NSRP1: variants seen among roughly 807,000 people sequenced by gnomAD.
NSRP1 encodes nuclear speckle splicing regulatory protein 1, also known as coiled-coil domain containing 55.
NSRP1 carries 24 observed loss-of-function variants against 54.7 expected under a neutral mutation model. That is an observed-to-expected ratio of 0.44 (90% confidence interval 0.32 to 0.62). NSRP1 has a LOEUF of 0.62. Among genes scored for constraint, NSRP1 ranks in the 20% least tolerant of loss-of-function variants. The probability of loss-of-function intolerance (pLI) is 0.06; values close to 1 mark genes in which losing one functional copy is unlikely to be tolerated. For synonymous variants in NSRP1, 210 were observed against 213.8 expected (o/e 0.98, Z 0.15); for missense variants, 596 against 651.2 (o/e 0.92, Z 0.92).
intron 2 of NSRP1, among the ~76,000 whole-genome samples, chr17:30,171,975 C>CA (rs1491360228): frequency 3.3e-3 from 379 of 114,556 alleles, no homozygotes; most frequent in African/African-American, 6.5e-3. Context: ...CACACACACT[C>CA]CCTCTCTCTC....
chr17:30,117,997 C>T, intron 1 of NSRP1, 83 bp from the exon 2 acceptor site: 1 of 1,073,096 alleles, frequency 9.3e-7, no homozygotes, highest in Non-Finnish European at 1.4e-6. Flanking sequence ...GATTTGGTAG[C>T]TTCATGTGGA....
rs187704602 is a variant in NSRP1, at chr17:30,126,335, G to C, written c.114+8162G>C. On this transcript the variant is annotated intron_variant, in intron 2 of 6. Transcript: ENST00000247026. ...CACAGCTCTGCTTTTCTTTACACTG[G>C]AAGTCTTCTCCCCATTTTTTTAATG... 3.9e-5 allele frequency among the ~76,000 whole-genome samples: 6 copies of C among 152,082 alleles called. No homozygotes were observed. The East Asian group carries it at 1.2e-3, about 29-fold the overall frequency.
intron 2 of NSRP1, among the ~76,000 whole-genome samples, chr17:30,170,789 AT>A (rs1184196804): frequency 6.6e-6 from 1 of 152,158 alleles, no homozygotes; most frequent in Non-Finnish European, 1.5e-5. Context: ...TCCTTTGGCT[AT>A]ATGCCAAGAG....
At chr17:30,118,754 T>C (rs1287064122) in intron 2 of NSRP1, among the ~76,000 whole-genome samples, 3 of 151,274 alleles carry the variant, frequency 2.0e-5, no homozygotes, top group African/African-American at 4.9e-5. Flanking sequence ...TTTCTCTTTT[T>C]TTTTTTTTTT....
chr17:30,140,907 TG>T (rs2071799195), intron 2 of NSRP1, among the ~76,000 whole-genome samples: 1 of 152,154 alleles, frequency 6.6e-6, no homozygotes, highest in Non-Finnish European at 1.5e-5. Context: ...CAGGACCTCC[TG>T]GGCTCAGGTA....
At chr17:30,180,073 G>C (rs1905246378) in intron 5 of NSRP1, among the ~76,000 whole-genome samples, 1 of 152,160 alleles carries the variant, frequency 6.6e-6, no homozygotes, top group Admixed American at 6.5e-5. Context: ...CTGGGCTCAA[G>C]CAATCTTCCT....
chr17:30,165,496 C>T (rs1323866411), intron 2 of NSRP1, among the ~76,000 whole-genome samples: 1 of 152,186 alleles, frequency 6.6e-6, no homozygotes, highest in Non-Finnish European at 1.5e-5. Flanking sequence ...TTAAAACAAG[C>T]ACTTCCCCTT....
At chr17:30,133,713 A>G (rs2071723156) in intron 2 of NSRP1, among the ~76,000 whole-genome samples, 1 of 152,162 alleles carries the variant, frequency 6.6e-6, no homozygotes. Flanking sequence ...TATTGTAGCC[A>G]CTTTCATTGA....
chr17:30,150,837 GC>G (rs2071902253), intron 2 of NSRP1, among the ~76,000 whole-genome samples: 1 of 151,542 alleles, frequency 6.6e-6, no homozygotes, highest in Non-Finnish European at 1.5e-5. Context: ...ATAGGTGCCC[GC>G]CACCATGCCC....
chr17:30,145,451 C>T (rs534283234), intron 2 of NSRP1, among the ~76,000 whole-genome samples: 5 of 152,218 alleles, frequency 3.3e-5, no homozygotes, highest in South Asian at 4.1e-4. Context: ...GACGTGGTGG[C>T]GTGCTCCTGT....
chr17:30,147,616 A>G (rs1052204305), intron 2 of NSRP1, among the ~76,000 whole-genome samples: 1 of 151,644 alleles, frequency 6.6e-6, no homozygotes, highest in Non-Finnish European at 1.5e-5. Flanking sequence ...GGCGCCCGCC[A>G]CCACGCCCGG....
chr17:30,165,600 G>GA (rs1904702455), intron 2 of NSRP1, among the ~76,000 whole-genome samples: 1 of 152,196 alleles, frequency 6.6e-6, no homozygotes, highest in Non-Finnish European at 1.5e-5. Flanking sequence ...CACAGCAGAG[G>GA]ATACCCTCAA....
At chr17:30,136,855 T>TAC (rs1202006288) in intron 2 of NSRP1, among the ~76,000 whole-genome samples, 14 of 152,194 alleles carry the variant, frequency 9.2e-5, no homozygotes, top group Non-Finnish European at 1.0e-4. Context: ...GTAGTAATTA[T>TAC]ACACACACAC....
intron 2 of NSRP1, among the ~76,000 whole-genome samples, chr17:30,143,077 A>T (rs1199580541): frequency 6.6e-6 from 1 of 152,224 alleles, no homozygotes; most frequent in Non-Finnish European, 1.5e-5. Flanking sequence ...CCAAAATCAT[A>T]CACATCTGCT....
At chr17:30,118,197 G>A in intron 2 of NSRP1, 24 bp downstream of exon 2, 1 of 1,565,730 alleles carries the variant, frequency 6.4e-7, no homozygotes, top group Non-Finnish European at 8.8e-7. Context: ...TGTTTTACTC[G>A]TGCATGGTTG....
intron 2 of NSRP1, among the ~76,000 whole-genome samples, chr17:30,130,982 A>G (rs2071694606): frequency 6.6e-6 from 1 of 152,172 alleles, no homozygotes; most frequent in East Asian, 1.9e-4. Flanking sequence ...TGGCACTTAT[A>G]TTCTCAAGGT....
At chr17:30,172,357 A>C (rs540605135) in intron 2 of NSRP1, among the ~76,000 whole-genome samples, 185 bp from the exon 3 acceptor site, 4 of 152,360 alleles carry the variant, frequency 2.6e-5, no homozygotes, top group African/African-American at 9.6e-5. Flanking sequence ...TGTGAAGCTC[A>C]AATGAAATGC....
chr17:30,146,652 A>T (rs988874096), intron 2 of NSRP1, among the ~76,000 whole-genome samples: 2 of 152,170 alleles, frequency 1.3e-5, no homozygotes, highest in Non-Finnish European at 2.9e-5. Context: ...GAATATATAT[A>T]TTTTTAAGAG....
chr17:30,132,453 C>T (rs2071709479), intron 2 of NSRP1, among the ~76,000 whole-genome samples: 2 of 151,912 alleles, frequency 1.3e-5, no homozygotes, highest in Non-Finnish European at 2.9e-5. Context: ...ACTCAGAAGA[C>T]TGAGGCAGGA....
Sources: allele counts gnomAD v4.1 joint callset (sites outside exome capture counted in the v4.1 genomes callset), GRCh38; gene constraint gnomAD v4.1.1; transcripts MANE v1.5; gene names NCBI Gene and HGNC (gene_info 2026-07-23, HGNC 2026-07-21).